Variants in CACNA1E observed in about 807,000 individuals in gnomAD.
The protein encoded by CACNA1E is voltage-dependent R-type calcium channel subunit alpha-1E.
Under a neutral mutation model 259.2 loss-of-function variants are expected in CACNA1E, and 40 were observed. The observed-to-expected ratio is 0.15, with a 90% CI of 0.12 to 0.20. The LOEUF is 0.20. CACNA1E is among the 10% of genes least tolerant of loss of function. CACNA1E has a pLI of 1.00. For missense variants in CACNA1E, 1,874 were observed against 3,040.1 expected (o/e 0.62, Z 9.02); for synonymous variants, 1,104 against 1,138.5 (o/e 0.97, Z 0.61).
In CACNA1E at chr1:181,733,516, C is replaced by T. The variant is rs1234271289; in HGVS notation, c.3028C>T (p.His1010Tyr). 11 of 1,609,144 alleles carry T rather than the reference C, an allele frequency of 6.8e-6. No homozygotes were observed. The highest frequency in any genetic ancestry group is 1.3e-5 in the African/African-American group (1 of 74,866). ...GGCTGACACCCCCCTAGTCCTGCCC[C>T]ATCCTGAGCTGGAAGTGGGGAAGCA... ...DEADTPLVLP[H>Y]PELEVGKHVV... The change falls in exon 21 of 48, where the codon CAT (histidine) becomes TAT (tyrosine). Residue 1010 changes from histidine (H) to tyrosine (Y), a missense_variant. His to Tyr is a moderately conservative substitution (Grantham distance 83). Transcript: ENST00000367573.
At position 181,693,978 on chromosome 1, in the gene CACNA1E, C is replaced by G. The variant is rs369333614; in HGVS notation, c.1056-16976C>G. ...AAATAATGCTGATCCTTCACAAACC[C>G]CTTTAGGATATGAGGCAAGGGGAAA... is the stretch of plus-strand genomic sequence containing the variant. On this transcript the variant is annotated intron_variant, in intron 7 of 47. Coordinates refer to ENST00000367573, the MANE Select transcript of CACNA1E (RefSeq NM_001205293.3). 2.6e-5 allele frequency among the ~76,000 whole-genome samples: 4 copies of G among 152,200 alleles called. No homozygotes were observed. In the East Asian group the frequency reaches 7.7e-4, roughly 29 times the overall value.
At chr1:181,785,006 T>A (rs528653214) in intron 41 of CACNA1E, among the ~76,000 whole-genome samples, 2 of 152,274 alleles carry the variant, frequency 1.3e-5, no homozygotes, top group South Asian at 4.1e-4. Flanking sequence ...CAAACCTTCA[T>A]GGGAGAAAGG....
At position 181,733,520 on chromosome 1, in the gene CACNA1E, C is replaced by T. The variant is rs765443815; in HGVS notation, c.3032C>T (p.Pro1011Leu). The T allele has an allele frequency of 3.7e-6, 6 of 1,610,360 alleles. No individual in the cohort carries two copies. The African/African-American group carries it at 8.0e-5, about 22-fold the overall frequency. ...GACACCCCCCTAGTCCTGCCCCATC[C>T]TGAGCTGGAAGTGGGGAAGCACGTG... Reference protein sequence around the residue: ...EADTPLVLPHPELEVGKHVVL... With the variant: ...EADTPLVLPHLELEVGKHVVL... Residue 1011 changes from proline to leucine, a missense_variant, in exon 21 of 48, where the codon CCT (proline) becomes CTT (leucine). This residue lies in a region of CACNA1E where 476 missense variants were observed against 514.0 expected (regional missense o/e 0.93). Coordinates refer to ENST00000367573, the MANE Select transcript of CACNA1E (RefSeq NM_001205293.3).
chr1:181,732,906 G>A lies in CACNA1E; in HGVS notation c.2820G>A (p.Arg940=). 6.2e-7 allele frequency: 1 copy of A among 1,614,042 alleles called. No individual in the cohort carries two copies. The highest frequency in any genetic ancestry group is 8.5e-7 in the Non-Finnish European group (1 of 1,179,896). ...GKESSSASRS[R]SASQERSLDE... ...AGTCCTCTTCAGCCTCCCGGAGCAG[G>A]TCTGCCAGCCAGGAACGCAGTCTGG... is the stretch of plus-strand genomic sequence containing the variant. The change falls in exon 20 of 48, where the codon AGG becomes AGA. Residue 940 remains arginine (R), a synonymous_variant. Coordinates refer to ENST00000367573, the MANE Select transcript of CACNA1E (RefSeq NM_001205293.3). The surrounding 1 kb of genome is among the most constrained non-coding windows in gnomAD (Gnocchi z 5.5).
intron 1 of CACNA1E, among the ~76,000 whole-genome samples, chr1:181,397,738 C>T (rs532780683): frequency 6.6e-6 from 1 of 152,218 alleles, no homozygotes; most frequent in East Asian, 1.9e-4. Flanking sequence ...CCCCTCATCC[C>T]GTCTTGTCCT....
chr1:181,718,864 A>C (rs949284753), intron 12 of CACNA1E, among the ~76,000 whole-genome samples: 1 of 152,196 alleles, frequency 6.6e-6, no homozygotes, highest in Admixed American at 6.5e-5. Context: ...TTACACAAGA[A>C]TAAATAGAAG....
At chr1:181,357,414 C>T (rs760032690) in intron 1 of CACNA1E, among the ~76,000 whole-genome samples, 4 of 152,214 alleles carry the variant, frequency 2.6e-5, no homozygotes, top group Non-Finnish European at 4.4e-5. Flanking sequence ...ATGCGTTAGT[C>T]TCTTCTCAGG....
chr1:181,606,226 G>A (rs776750321), intron 6 of CACNA1E, among the ~76,000 whole-genome samples: 7 of 152,076 alleles, frequency 4.6e-5, no homozygotes, highest in South Asian at 2.1e-4. Context: ...TGTTAGCACC[G>A]TTCTAAATAC....
At chr1:181,622,573 A>G (rs745914087) in intron 6 of CACNA1E, among the ~76,000 whole-genome samples, 1 of 152,074 alleles carries the variant, frequency 6.6e-6, no homozygotes, top group Non-Finnish European at 1.5e-5. Context: ...TTTGTGTACA[A>G]GTTTACTTTT....
chr1:181,656,780 A>G (rs755230708), intron 7 of CACNA1E, among the ~76,000 whole-genome samples: 2 of 152,160 alleles, frequency 1.3e-5, no homozygotes, highest in African/African-American at 2.4e-5. Context: ...CTTTTATACC[A>G]TATTTTTACT....
intron 7 of CACNA1E, among the ~76,000 whole-genome samples, chr1:181,689,172 C>A (rs1488818134): frequency 6.6e-6 from 1 of 152,134 alleles, no homozygotes; most frequent in Non-Finnish European, 1.5e-5. Flanking sequence ...TGATGTTCCC[C>A]TCCCTGTATC....
At chr1:181,395,474 T>G (rs1452000181) in intron 1 of CACNA1E, among the ~76,000 whole-genome samples, 1 of 152,176 alleles carries the variant, frequency 6.6e-6, no homozygotes, top group African/African-American at 2.4e-5. Context: ...GTTATAAATT[T>G]TGGAGTTGAC....
chr1:181,665,493 A>T (rs191701235), intron 7 of CACNA1E, among the ~76,000 whole-genome samples: 14 of 152,326 alleles, frequency 9.2e-5, no homozygotes, highest in Non-Finnish European at 1.6e-4. Context: ...AGTAATGTTT[A>T]AAAAGATGGC....
At chr1:181,492,911 T>C (rs935182299) in intron 1 of CACNA1E, among the ~76,000 whole-genome samples, 1 of 152,178 alleles carries the variant, frequency 6.6e-6, no homozygotes, top group African/African-American at 2.4e-5. Flanking sequence ...AGTTTGAAAC[T>C]CTATGGAACT....
chr1:181,550,870 G>A (rs938694953), intron 3 of CACNA1E, among the ~76,000 whole-genome samples: 4 of 152,050 alleles, frequency 2.6e-5, no homozygotes, highest in Admixed American at 2.6e-4. Context: ...CGAGTGTAAA[G>A]GATCGGTGCC....
At chr1:181,371,288 AT>A (rs747433551) in intron 1 of CACNA1E, among the ~76,000 whole-genome samples, 1 of 151,386 alleles carries the variant, frequency 6.6e-6, no homozygotes, top group East Asian at 1.9e-4. Context: ...GTTTATTTTT[AT>A]TTTTTGCCAT....
chr1:181,790,419 C>A, intron 43 of CACNA1E, 26 bp from the exon 44 acceptor site: 1 of 1,450,138 alleles, frequency 6.9e-7, no homozygotes, highest in Non-Finnish European at 9.7e-7. Context: ...TCCCTCATTA[C>A]CTCTGGATTT....
At position 181,424,768 on chromosome 1, in the gene CACNA1E, G is replaced by T. The variant is rs577064535; in HGVS notation, c.434+11188G>T. ...TCCCAGTTCTTCCCTTCTAAGGCAG[G>T]CCTTGGGGGAGGACTCTCCCCCAAG... On this transcript the variant is annotated intron_variant, in intron 2 of 11. Coordinates refer to the CACNA1E transcript ENST00000524607. Among the ~76,000 whole-genome samples, 196 of 152,244 alleles carry T rather than the reference G, an allele frequency of 1.3e-3. 4 individuals carry two copies. Among genetic ancestry groups the T allele is most frequent in the Middle Eastern group, 3.4e-3 (1 of 294 alleles).
chr1:181,333,018 G>A (rs1333163449), intron 1 of CACNA1E, among the ~76,000 whole-genome samples: 1 of 152,194 alleles, frequency 6.6e-6, no homozygotes. Context: ...ACATCTGGTG[G>A]TATGGGAGTC....
Sources: allele counts gnomAD v4.1 joint callset (sites outside exome capture counted in the v4.1 genomes callset), GRCh38; gene constraint gnomAD v4.1.1; regional missense constraint gnomAD v4.1.1; non-coding constraint Gnocchi (gnomAD v3.1); transcripts MANE v1.5; gene names NCBI Gene and HGNC (gene_info 2026-07-23, HGNC 2026-07-21).